NPSR1: variants seen among roughly 807,000 people sequenced by gnomAD.
NPSR1 encodes neuropeptide S receptor 1, also known as neuropeptide S receptor.
In NPSR1, 48 loss-of-function variants were observed where a neutral mutation model predicts 46.9. That is an observed-to-expected ratio of 1.02 (90% CI 0.81 to 1.30). The LOEUF (loss-of-function observed/expected upper bound fraction) is 1.30, where lower values mean the gene tolerates loss of function less well. Ranked by LOEUF, NPSR1 falls within the 50% of genes most tolerant of loss-of-function variation. NPSR1 has a pLI of 0.00. For synonymous variants in NPSR1, 176 were observed against 168.1 expected (o/e 1.05, Z -0.36); for missense variants, 450 against 449.5 (o/e 1.00, Z -0.01).
intron 3 of NPSR1, among the ~76,000 whole-genome samples, chr7:34,790,995 TTATATGTTA>T (rs1562730390): frequency 6.7e-5 from 7 of 104,036 alleles, no homozygotes; most frequent in Non-Finnish European, 1.1e-4. Context: ...ATTATATATG[TTATATGTTA>T]TATGTTATAT....
downstream of NPSR1, among the ~76,000 whole-genome samples, chr7:34,853,785 T>G (rs980028535): frequency 2.0e-5 from 3 of 151,874 alleles, no homozygotes; most frequent in African/African-American, 7.3e-5. Context: ...GTCAATATGG[T>G]GAAAACCCGT....
chr7:34,839,970 G>A (rs888063834), intron 6 of NPSR1, among the ~76,000 whole-genome samples: 35 of 152,142 alleles, frequency 2.3e-4, no homozygotes, highest in African/African-American at 4.6e-4. Flanking sequence ...GGGGAAACAG[G>A]AATGGGTTTT....
intron 2 of NPSR1, among the ~76,000 whole-genome samples, chr7:34,773,433 T>C (rs1786784233): frequency 6.6e-6 from 1 of 152,160 alleles, no homozygotes; most frequent in Non-Finnish European, 1.5e-5. Flanking sequence ...TCCATTCTTG[T>C]TTGGTAATCT....
At chr7:34,778,698 A>C in intron 3 of NPSR1, 133 bp downstream of exon 3, 1 of 552,270 alleles carries the variant, frequency 1.8e-6, no homozygotes, top group Non-Finnish European at 3.2e-6. Context: ...GTAGAAGGGC[A>C]ATGAAAATTT....
Position 34,689,620 on chromosome 7 carries a change from A to AAAG in NPSR1, c.280+4938_280+4939insGAA, listed in dbSNP as rs1299737942. Among the ~76,000 whole-genome samples, 447 of 126,350 alleles carry AAAG rather than the reference A, an allele frequency of 3.5e-3. 17 individuals carry two copies. The highest frequency in any genetic ancestry group is 0.012 in the African/African-American group (349 of 29,018). 82.9% of individuals were successfully genotyped at this position (126,350 alleles called of 152,430 possible). ...ACTCTGTCTCAAAAAAAAAAAAAAA[A>AAAG]AAAAAAAAAAAAAAGAAAAGAAAAG... On this transcript the variant is annotated intron_variant, in intron 2 of 8. Transcript: ENST00000360581.
intron 3 of NPSR1, among the ~76,000 whole-genome samples, chr7:34,794,048 T>A (rs1788058972): frequency 6.6e-6 from 1 of 151,972 alleles, no homozygotes; most frequent in Non-Finnish European, 1.5e-5. Flanking sequence ...AGTAGAATGG[T>A]GGTTAGCAGA....
At chr7:34,686,556 G>A (rs1792938446) in intron 2 of NPSR1, among the ~76,000 whole-genome samples, 1 of 152,102 alleles carries the variant, frequency 6.6e-6, no homozygotes, top group Non-Finnish European at 1.5e-5. Context: ...CCCATCATAT[G>A]TCAATGTCCT....
intron 8 of NPSR1, among the ~76,000 whole-genome samples, chr7:34,858,862 T>G (rs565433182): frequency 6.6e-6 from 1 of 150,710 alleles, no homozygotes; most frequent in Non-Finnish European, 1.5e-5. Context: ...GGATGAGATC[T>G]GGGGGGGGGA....
At chr7:34,692,054 G>A (rs150695767) in intron 2 of NPSR1, among the ~76,000 whole-genome samples, 342 of 152,256 alleles carry the variant, frequency 2.2e-3, no homozygotes, top group Middle Eastern at 6.8e-3. Context: ...TTGTGTGAGT[G>A]CAGGAGTTTG....
chr7:34,747,607 TAGAC>T (rs974674459), intron 2 of NPSR1, among the ~76,000 whole-genome samples: 6 of 147,916 alleles, frequency 4.1e-5, no homozygotes, highest in Non-Finnish European at 6.1e-5. Context: ...CCAGGCATCT[TAGAC>T]ACACACACAC....
chr7:34,695,898 T>G (rs879306252), intron 2 of NPSR1, among the ~76,000 whole-genome samples: 9 of 152,170 alleles, frequency 5.9e-5, no homozygotes, highest in Admixed American at 2.6e-4. Context: ...GTATAGAGAT[T>G]TCTCAGAAGA....
intron 2 of NPSR1, among the ~76,000 whole-genome samples, chr7:34,765,870 G>C (rs919825150): frequency 6.6e-6 from 1 of 152,102 alleles, no homozygotes; most frequent in Non-Finnish European, 1.5e-5. Flanking sequence ...TGGACATAAA[G>C]ATGGCAACAG....
At chr7:34,823,413 AAAAC>A (rs1178829183) in intron 4 of NPSR1, among the ~76,000 whole-genome samples, 3 of 147,116 alleles carry the variant, frequency 2.0e-5, no homozygotes, top group Non-Finnish European at 4.4e-5. Context: ...AAAAAAAAAA[AAAAC>A]AACACCATAA....
rs1479935374 is a variant in NPSR1 at position 34,848,592 on chromosome 7, G to A, written c.954G>A (p.Leu318=). The change falls in exon 8 of 9, where the codon CTG becomes CTA. Residue 318 remains leucine, a synonymous_variant. Transcript: ENST00000360581. ...ATGCCTCTGTGATCATTCAGAACCT[G>A]CCAGCATTGAATAGTGCCATCAACC... is the stretch of plus-strand genomic sequence containing the variant. ...RFYASVIIQN[L]PALNSAINPL... 6.2e-7 allele frequency: 1 copy of A among 1,614,030 alleles called. No individual in the cohort carries two copies. The highest frequency in any genetic ancestry group is 8.5e-7 in the Non-Finnish European group (1 of 1,180,036).
chr7:34,823,417 C>CAA (rs79081202), intron 4 of NPSR1, among the ~76,000 whole-genome samples: 3 of 103,970 alleles, frequency 2.9e-5, no homozygotes, highest in East Asian at 2.8e-4. Flanking sequence ...AAAAAAAAAA[C>CAA]AACACCATAA....
intron 6 of NPSR1, among the ~76,000 whole-genome samples, chr7:34,840,760 A>G (rs1790532460): frequency 6.6e-6 from 1 of 152,230 alleles, no homozygotes; most frequent in South Asian, 2.1e-4. Flanking sequence ...GACCTGGGGC[A>G]GCCCAGGGCA....
chr7:34,763,516 C>CA (rs138890615), intron 2 of NPSR1, among the ~76,000 whole-genome samples: 10,204 of 149,800 alleles, frequency 0.068, 356 homozygotes, highest in Middle Eastern at 0.083. Flanking sequence ...GAAAGAAATA[C>CA]AAAAAAAAAT....
chr7:34,859,899 T>A (rs1436848442), intron 8 of NPSR1, among the ~76,000 whole-genome samples: 1 of 151,626 alleles, frequency 6.6e-6, no homozygotes, highest in Admixed American at 6.5e-5. Context: ...CTCAAGTTCC[T>A]CATGGCCAGG....
At chr7:34,869,117 A>C (rs1791391098) in intron 8 of NPSR1, among the ~76,000 whole-genome samples, 1 of 151,740 alleles carries the variant, frequency 6.6e-6, no homozygotes, top group Non-Finnish European at 1.5e-5. Flanking sequence ...GTCCCACAAC[A>C]CTGGCAGAAC....
Sources: gnomAD v4.1 joint callset for allele counts (sites outside exome capture counted in the v4.1 genomes callset) on GRCh38, gnomAD v4.1.1 for gene constraint, MANE v1.5 for transcripts, NCBI Gene and HGNC (gene_info 2026-07-23, HGNC 2026-07-21) for gene names.